MAPK6: variants seen among roughly 807,000 people sequenced by gnomAD.
MAPK6 encodes mitogen-activated protein kinase 6, also known as ERK-3.
Under a neutral mutation model 59.3 loss-of-function variants are expected in MAPK6, and 19 were observed. That is an observed-to-expected ratio of 0.32 (90% CI 0.22 to 0.47). The LOEUF (loss-of-function observed/expected upper bound fraction) is 0.47. Ranked by LOEUF, MAPK6 falls within the 20% of genes least tolerant of loss-of-function variation. MAPK6 has a pLI of 1.00. For synonymous variants in MAPK6, 316 were observed against 290.3 expected, an observed-to-expected ratio of 1.09 and a Z score of -0.90; for missense variants, 724 against 847.9, an observed-to-expected ratio of 0.85 and a Z score of 1.81.
intron 3 of MAPK6, among the ~76,000 whole-genome samples, chr15:52,007,220 C>G (rs1243574300): frequency 6.6e-6 from 1 of 152,090 alleles, no homozygotes; most frequent in Non-Finnish European, 1.5e-5. Flanking sequence ...GACACTTACC[C>G]CCAAGGGCAG....
intron 2 of MAPK6, among the ~76,000 whole-genome samples, chr15:51,989,913 T>G (rs2057202739): frequency 6.6e-6 from 1 of 152,194 alleles, no homozygotes; most frequent in South Asian, 2.1e-4. Context: ...TTAAAATTAT[T>G]TAAACTGCCA....
intron 1 of MAPK6, among the ~76,000 whole-genome samples, chr15:52,039,319 T>A (rs2031339992): frequency 6.6e-6 from 1 of 152,136 alleles, no homozygotes; most frequent in Non-Finnish European, 1.5e-5. Flanking sequence ...GGTTACAGAT[T>A]TACTGTAAGT....
intron 3 of MAPK6, 56 bp from the exon 4 acceptor site, chr15:52,058,577 T>C (rs2032072783): frequency 1.4e-6 from 2 of 1,401,672 alleles, no homozygotes; most frequent in Non-Finnish European, 1.9e-6. Context: ...AGTATGTTTA[T>C]TGTGAAATAA....
At chr15:51,984,000 AT>A (rs980371521) in intron 2 of MAPK6, among the ~76,000 whole-genome samples, 3 of 151,776 alleles carry the variant, frequency 2.0e-5, no homozygotes, top group Non-Finnish European at 4.4e-5. Context: ...AAAAAAAAAA[AT>A]CCAGTCTAGA....
chr15:52,027,657 G>C (rs924100965), intron 1 of MAPK6: 5 of 135,998 alleles, frequency 3.7e-5, no homozygotes, highest in African/African-American at 1.4e-4. Flanking sequence ...TCCCTGTGTT[G>C]CCCAGGCTGG....
At chr15:51,984,686 C>CG (rs530163343) in intron 2 of MAPK6, among the ~76,000 whole-genome samples, 5,950 of 151,516 alleles carry the variant, frequency 0.039, 216 homozygotes, top group African/African-American at 0.098. Context: ...ACCAGTTCTC[C>CG]GGGGGGGAAG....
Position 52,046,212 on chromosome 15 carries a change from C to G in MAPK6, c.-249C>G, listed in dbSNP as rs981891707. 1.4e-5 allele frequency: 5 copies of G among 358,434 alleles called. No homozygotes were observed. Among genetic ancestry groups the G allele is most frequent in the African/African-American group, 1.1e-4 (5 of 47,364 alleles). 22.2% of individuals were successfully genotyped at this position (358,434 alleles called of 1,614,324 possible). A position where few individuals can be genotyped will look rare whatever the true frequency, so the allele number is the denominator to read the frequency against. On this transcript the variant is annotated 5_prime_UTR_variant, in exon 2 of 6. Transcript: ENST00000261845. ...TTAAATGTCTGCAGAGTTGCTGCCC[C>G]TTTCTTGAACTATGAGTACTGCAAT...
At chr15:52,023,854 C>T (rs1221697527) in intron 1 of MAPK6, among the ~76,000 whole-genome samples, 8 of 152,274 alleles carry the variant, frequency 5.3e-5, no homozygotes, top group East Asian at 3.9e-4. Flanking sequence ...CCTTGTGATC[C>T]GCCTGCCTGG....
chr15:52,018,657 C>G (rs2030351348), upstream of MAPK6: 1 of 152,350 alleles, frequency 6.6e-6, no homozygotes, highest in African/African-American at 2.4e-5. Flanking sequence ...AAGCCAGGTA[C>G]TCTGGCCTCC....
chr15:51,986,072 A>C (rs1315032251), intron 2 of MAPK6, among the ~76,000 whole-genome samples: 1 of 152,224 alleles, frequency 6.6e-6, no homozygotes, highest in African/African-American at 2.4e-5. Context: ...AAGAGGTTTA[A>C]TTGACTCACA....
intron 2 of MAPK6, 141 bp downstream of exon 2, chr15:52,047,156 C>T (rs1193600200): frequency 2.0e-6 from 1 of 498,604 alleles, no homozygotes; most frequent in African/African-American, 2.0e-5. Context: ...TGAAACAAGT[C>T]TCTCTGTTTG....
At chr15:52,028,153 C>T (rs1484002795) in intron 1 of MAPK6, among the ~76,000 whole-genome samples, 3 of 151,882 alleles carry the variant, frequency 2.0e-5, no homozygotes, top group East Asian at 1.9e-4. Context: ...AGGGTTTCAC[C>T]GTGTTAGCCA....
chr15:51,992,144 G>C (rs1282421066), intron 2 of MAPK6, among the ~76,000 whole-genome samples: 1 of 151,822 alleles, frequency 6.6e-6, no homozygotes, highest in Non-Finnish European at 1.5e-5. Flanking sequence ...TTTTTGTAGA[G>C]ACAGGGTTTT....
chr15:52,012,785 G>A lies in MAPK6; in HGVS notation c.-632+8383G>A, dbSNP rs529776536. Among the ~76,000 whole-genome samples, 6 of 151,498 alleles carry A rather than the reference G, an allele frequency of 4.0e-5. No individual in the cohort carries two copies. In the East Asian group the frequency reaches 7.8e-4, roughly 20 times the overall value. ...GGGCGGATCACAAGGTCAGGAGTTC[G>A]AGACCAGCCTGGCCAATATGGTGAA... On this transcript the variant is annotated intron_variant, in intron 3 of 7. Transcript: ENST00000691380.
At chr15:52,014,749 T>A (rs1298140908), upstream of MAPK6, among the ~76,000 whole-genome samples, 1 of 149,874 alleles carries the variant, frequency 6.7e-6, no homozygotes, top group East Asian at 2.0e-4. Context: ...TTTGATAGAG[T>A]TTTCACTTTC....
At chr15:52,032,825 C>T (rs2141877997) in intron 1 of MAPK6, among the ~76,000 whole-genome samples, 1 of 152,330 alleles carries the variant, frequency 6.6e-6, no homozygotes, top group Non-Finnish European at 1.5e-5. Context: ...GCTGGGATTA[C>T]AGGCATGCGC....
At chr15:52,052,274 C>T (rs115477919) in intron 3 of MAPK6, among the ~76,000 whole-genome samples, 2,093 of 152,264 alleles carry the variant, frequency 0.014, 59 homozygotes, top group African/African-American at 0.048. Context: ...CAAGAGGCTT[C>T]GGTTCCTCAC....
At chr15:52,007,675 C>A (rs1228435062) in intron 3 of MAPK6, among the ~76,000 whole-genome samples, 4 of 150,726 alleles carry the variant, frequency 2.7e-5, no homozygotes, top group Non-Finnish European at 5.9e-5. Context: ...TGTACTCCAG[C>A]CTGGGCAATA....
chr15:52,007,803 T>A (rs980800080), intron 3 of MAPK6, among the ~76,000 whole-genome samples: 1 of 151,434 alleles, frequency 6.6e-6, no homozygotes, highest in African/African-American at 2.4e-5. Context: ...ATTACCAGAA[T>A]AGTATAAAAA....
Sources: allele counts gnomAD v4.1 joint callset (sites outside exome capture counted in the v4.1 genomes callset), GRCh38; gene constraint gnomAD v4.1.1; transcripts MANE v1.5; gene names NCBI Gene and HGNC (gene_info 2026-07-23, HGNC 2026-07-21).